Variants in ANKRD11 observed in about 807,000 individuals in gnomAD.
ANKRD11 encodes ankyrin repeat domain-containing protein 11.
A neutral mutation model predicts 195.7 loss-of-function variants in ANKRD11; 17 were observed. The ratio of observed to expected loss-of-function variants is 0.09; its 90% CI spans 0.06 to 0.13. ANKRD11 has a LOEUF of 0.13. Ranked by LOEUF, ANKRD11 falls within the 10% of genes least tolerant of loss-of-function variation. The pLI is 1.00. For synonymous variants in ANKRD11, 1,953 were observed against 1,528.1 expected (o/e 1.28, Z -6.49); for missense variants, 3,735 against 3,566.1 (o/e 1.05, Z -1.21).
rs560085518 is a variant in ANKRD11 at position 89,480,983 on chromosome 16, G to A, written c.-145+9262C>T. ...ATCTGTCAAATGTCCCCAGGGCAGA[G>A]AATGGAGAGTGACACACAGTAGGCA... On this transcript the variant is annotated intron_variant, in intron 1 of 12. Coordinates refer to ENST00000301030, the MANE Select transcript of ANKRD11 (RefSeq NM_013275.6). 1.5e-4 allele frequency among the ~76,000 whole-genome samples: 23 copies of A among 152,266 alleles called. No homozygotes were observed. In the South Asian group the frequency reaches 4.8e-3, roughly 32 times the overall value.
chr16:89,351,517 G>T (rs773332111), intron 2 of ANKRD11, among the ~76,000 whole-genome samples: 2 of 152,118 alleles, frequency 1.3e-5, no homozygotes, highest in Admixed American at 6.5e-5. Context: ...GGATCCTAGC[G>T]AACTTTTTCA....
At chr16:89,439,419 C>A (rs1235573812) in intron 1 of ANKRD11, among the ~76,000 whole-genome samples, 1 of 152,174 alleles carries the variant, frequency 6.6e-6, no homozygotes, top group Non-Finnish European at 1.5e-5. Context: ...GTCAAAAATC[C>A]TAAGTCGAAC....
intron 1 of ANKRD11, among the ~76,000 whole-genome samples, chr16:89,424,232 G>A (rs944402132): frequency 1.3e-5 from 2 of 152,114 alleles, no homozygotes; most frequent in African/African-American, 4.8e-5. Flanking sequence ...ACCTGAGGTT[G>A]GGAGTTCGAG....
Position 89,281,452 on chromosome 16 carries a change from T to C in ANKRD11, c.5090A>G (p.Gln1697Arg). ...GGTGGGCACGCCAGTGGGCCGGCTC[T>C]GGTCAGGCCTGGGGGACGCAGGCAG... The part of the protein sequence containing the change: ...EVLPASPRPD[Q>R]SRPTGVPTPT... Residue 1697 changes from glutamine to arginine, a missense_variant, in exon 9 of 13, where the codon CAG (glutamine) becomes CGG (arginine). Gln to Arg is a conservative substitution (Grantham distance 43). Coordinates refer to ENST00000301030, the MANE Select transcript of ANKRD11 (RefSeq NM_013275.6). This position sits in a 1 kb window ranked among gnomAD's most constrained non-coding sequence, Gnocchi z 5.5. The C allele has an allele frequency of 6.2e-7, 1 of 1,613,814 alleles. No individual in the cohort carries two copies. Among genetic ancestry groups the C allele is most frequent in the Non-Finnish European group, 8.5e-7 (1 of 1,179,790 alleles).
intron 1 of ANKRD11, among the ~76,000 whole-genome samples, chr16:89,476,818 A>T (rs1376065485): frequency 7.1e-6 from 1 of 141,670 alleles, no homozygotes; most frequent in African/African-American, 2.6e-5. Flanking sequence ...AGGCATGATG[A>T]GAGCTGGGGT....
intron 1 of ANKRD11, among the ~76,000 whole-genome samples, chr16:89,437,608 C>G (rs2043269742): frequency 6.6e-6 from 1 of 152,170 alleles, no homozygotes; most frequent in Non-Finnish European, 1.5e-5. Flanking sequence ...GCCCACTCAC[C>G]AGATGTCCAA....
intron 1 of ANKRD11, among the ~76,000 whole-genome samples, chr16:89,442,529 A>T (rs1228503228): frequency 1.3e-5 from 2 of 152,108 alleles, no homozygotes; most frequent in African/African-American, 4.8e-5. Flanking sequence ...TCTCTCTCTC[A>T]ATACCCCTAG....
intron 2 of ANKRD11, among the ~76,000 whole-genome samples, chr16:89,390,604 G>A (rs903731635): frequency 6.6e-6 from 1 of 152,092 alleles, no homozygotes; most frequent in East Asian, 1.9e-4. Flanking sequence ...ACATCACAGA[G>A]GTGAAAAGAA....
intron 2 of ANKRD11, among the ~76,000 whole-genome samples, chr16:89,396,215 G>C (rs1051942352): frequency 2.0e-5 from 3 of 152,230 alleles, no homozygotes; most frequent in South Asian, 2.1e-4. Flanking sequence ...GGAAGAGACA[G>C]GTGCTGCTTT....
At chr16:89,338,661 G>A (rs1400959357) in intron 2 of ANKRD11, among the ~76,000 whole-genome samples, 2 of 138,254 alleles carry the variant, frequency 1.4e-5, no homozygotes, top group Non-Finnish European at 1.5e-5. Context: ...GGAAGCTGAG[G>A]TTGCAGTGAG....
rs2034467749 is a variant in ANKRD11 at position 89,283,967 on chromosome 16, C to G, written c.2575G>C (p.Asp859His). The change falls in exon 9 of 13, where the codon GAC becomes CAC. Residue 859 changes from aspartate to histidine, a missense_variant. Coordinates refer to ENST00000301030, the MANE Select transcript of ANKRD11 (RefSeq NM_013275.6). This position sits in a 1 kb window ranked among gnomAD's most constrained non-coding sequence, Gnocchi z 4.3. ...SFDFKGEDSWDSPVTDYRDMK... is the reference protein window; with the variant it reads ...SFDFKGEDSWHSPVTDYRDMK... The stretch of plus-strand genomic sequence containing the variant: ...TCCCTGTAGTCTGTCACTGGCGAGT[C>G]CCAGCTGTCCTCCCCTTTGAAATCA... The G allele has an allele frequency of 6.2e-7, 1 of 1,614,028 alleles. No individual in the cohort carries two copies. The highest frequency in any genetic ancestry group is 2.2e-5 in the East Asian group (1 of 44,890).
At chr16:89,313,651 G>T in intron 3 of ANKRD11, 2 of 1,258,664 alleles carry the variant, frequency 1.6e-6, no homozygotes, top group Middle Eastern at 2.2e-4. Flanking sequence ...GTTTATGGTA[G>T]AAGACTGAGC....
intron 2 of ANKRD11, among the ~76,000 whole-genome samples, chr16:89,329,749 A>G (rs1272895840): frequency 6.6e-6 from 1 of 152,202 alleles, no homozygotes; most frequent in African/African-American, 2.4e-5. Flanking sequence ...GACTGGGTGC[A>G]GTGAATCCCA....
Position 89,286,203 on chromosome 16 carries a change from C to T in ANKRD11, c.745-17G>A. 6.2e-7 allele frequency: 1 copy of T among 1,611,986 alleles called. No individual in the cohort carries two copies. The highest frequency in any genetic ancestry group is 1.3e-5 in the African/African-American group (1 of 75,076). On this transcript the variant is annotated splice_polypyrimidine_tract_variant and intron_variant, in intron 7 of 12. Transcript: ENST00000301030. ...CTTCACCACCTACAAGACAGTAACA[C>T]CCGCGTCAGGGACTGCTGGAGAAGC...
At chr16:89,350,221 A>AC (rs2039145650) in intron 2 of ANKRD11, among the ~76,000 whole-genome samples, 1 of 152,248 alleles carries the variant, frequency 6.6e-6, no homozygotes, top group East Asian at 1.9e-4. Flanking sequence ...ATTCCCATTC[A>AC]ACGCTGGTGG....
chr16:89,435,341 A>G lies in ANKRD11; in HGVS notation c.-144-16973T>C, dbSNP rs114184931. On this transcript the variant is annotated intron_variant, in intron 1 of 12. Coordinates refer to ENST00000301030, the MANE Select transcript of ANKRD11 (RefSeq NM_013275.6). ...GTGGGCAGGGCCGAATAAGGGAATA[A>G]AAGCTGGCCACATGAGCCAGCAGCA... 4.1e-3 allele frequency among the ~76,000 whole-genome samples: 628 copies of G among 152,328 alleles called. 3 individuals carry two copies. Among genetic ancestry groups the G allele is most frequent in the African/African-American group, 0.013 (561 of 41,572 alleles).
At chr16:89,372,035 T>C (rs1446430382) in intron 2 of ANKRD11, among the ~76,000 whole-genome samples, 1 of 152,176 alleles carries the variant, frequency 6.6e-6, no homozygotes, top group Non-Finnish European at 1.5e-5. Flanking sequence ...AAGCCAGGAC[T>C]GAGCACTCAC....
At chr16:89,305,020 G>T (rs554249391) in intron 4 of ANKRD11, 186 bp downstream of exon 4, 4 of 863,186 alleles carry the variant, frequency 4.6e-6, no homozygotes, top group Admixed American at 2.8e-5. Flanking sequence ...CCTGAGCCTC[G>T]GGTGCAAAGG....
At chr16:89,411,073 T>G (rs1453258575) in intron 2 of ANKRD11, among the ~76,000 whole-genome samples, 3 of 152,092 alleles carry the variant, frequency 2.0e-5, no homozygotes, top group Non-Finnish European at 2.9e-5. Context: ...GGGCGGCCAG[T>G]GCAGGAGGCA....
Sources: gnomAD v4.1 joint callset for allele counts (sites outside exome capture counted in the v4.1 genomes callset) on GRCh38, gnomAD v4.1.1 for gene constraint, Gnocchi (gnomAD v3.1) non-coding constraint, MANE v1.5 for transcripts, NCBI Gene and HGNC (gene_info 2026-07-23, HGNC 2026-07-21) for gene names.